FMNL2: variants seen among roughly 807,000 people sequenced by gnomAD.
The protein encoded by FMNL2 is formin like 2.
A neutral mutation model predicts 130.2 loss-of-function variants in FMNL2; 51 were observed. The observed-to-expected ratio is 0.39, with a 90% confidence interval of 0.31 to 0.49. The LOEUF (loss-of-function observed/expected upper bound fraction) is 0.49, where lower values mean the gene tolerates loss of function less well. Ranked by LOEUF, FMNL2 falls within the 20% of genes least tolerant of loss-of-function variation. The pLI is 0.85. For synonymous variants in FMNL2, 465 were observed against 467.1 expected (o/e 1.00, Z 0.06); for missense variants, 977 against 1,316.2 (o/e 0.74, Z 3.99).
At chr2:152,540,080 ACT>A (rs1694222244) in intron 2 of FMNL2, among the ~76,000 whole-genome samples, 3 of 151,846 alleles carry the variant, frequency 2.0e-5, no homozygotes, top group South Asian at 2.1e-4. Flanking sequence ...ACAGAGTGAG[ACT>A]CTCTCAAAAA....
chr2:152,338,238 C>T (rs866908376), intron 1 of FMNL2, among the ~76,000 whole-genome samples: 64 of 152,172 alleles, frequency 4.2e-4, no homozygotes, highest in Non-Finnish European at 7.2e-4. Flanking sequence ...AAAGATCATA[C>T]GGGTGTTTTG....
In FMNL2 at chr2:152,537,993, T is replaced by A. The variant is rs146314484; in HGVS notation, c.202-4746T>A. Among the ~76,000 whole-genome samples, 760 of 152,296 alleles carry A rather than the reference T, an allele frequency of 5.0e-3. 5 individuals are homozygous for A. The highest frequency in any genetic ancestry group is 0.018 in the African/African-American group (735 of 41,574). ...GGAGATAATATCTACTTGCCAGATA[T>A]AGAAGCTTGAGTGAGCTAAGAGGTC... On this transcript the variant is annotated intron_variant, in intron 2 of 25. Transcript: ENST00000288670.
intron 6 of FMNL2, among the ~76,000 whole-genome samples, chr2:152,571,179 T>G (rs556306291): frequency 1.1e-4 from 16 of 146,930 alleles, no homozygotes; most frequent in African/African-American, 2.9e-4. Flanking sequence ...CTCCTTTTCC[T>G]CCTTCTCCTC....
intron 20 of FMNL2, among the ~76,000 whole-genome samples, chr2:152,631,044 T>C (rs144600535): frequency 3.9e-5 from 6 of 152,188 alleles, no homozygotes; most frequent in African/African-American, 1.4e-4. Flanking sequence ...ATATCTGTTA[T>C]AAAGTTGAAT....
At chr2:152,640,168 T>C (rs1682960089) in intron 24 of FMNL2, 112 bp downstream of exon 24, 2 of 807,482 alleles carry the variant, frequency 2.5e-6, no homozygotes, top group African/African-American at 1.8e-5. Flanking sequence ...TCCTGACCAC[T>C]TCCTTCTGGT....
chr2:152,645,639 C>T, intron 25 of FMNL2: 3 of 532,914 alleles, frequency 5.6e-6, no homozygotes, highest in South Asian at 1.9e-5. Context: ...GTTTTTGTAC[C>T]TCACATTCCA....
intron 1 of FMNL2, among the ~76,000 whole-genome samples, chr2:152,451,084 G>C (rs891385019): frequency 6.6e-6 from 1 of 152,180 alleles, no homozygotes; most frequent in Admixed American, 6.5e-5. Flanking sequence ...GGAGATAACT[G>C]CTAAAATGCT....
At chr2:152,486,434 G>C (rs1266378155) in intron 1 of FMNL2, among the ~76,000 whole-genome samples, 6 of 152,166 alleles carry the variant, frequency 3.9e-5, no homozygotes, top group Admixed American at 2.6e-4. Flanking sequence ...TTTCTTTGGG[G>C]TTATGTGAAC....
At chr2:152,489,867 A>T (rs1691043966) in intron 1 of FMNL2, among the ~76,000 whole-genome samples, 1 of 152,148 alleles carries the variant, frequency 6.6e-6, no homozygotes, top group Admixed American at 6.5e-5. Context: ...TAGTTTTAAT[A>T]AAAAAAATTT....
At chr2:152,373,177 TATAAATG>T (rs1378688710) in intron 1 of FMNL2, among the ~76,000 whole-genome samples, 2 of 152,262 alleles carry the variant, frequency 1.3e-5, no homozygotes, top group Non-Finnish European at 2.9e-5. Context: ...TTACTGTTCT[TATAAATG>T]ATATGAAATA....
intron 2 of FMNL2, among the ~76,000 whole-genome samples, chr2:152,528,890 C>G (rs1693542958): frequency 6.6e-6 from 1 of 152,174 alleles, no homozygotes; most frequent in African/African-American, 2.4e-5. Flanking sequence ...TGGGAGTCAT[C>G]TCTTTCCAGT....
chr2:152,569,094 T>TC (rs945578653), intron 6 of FMNL2, among the ~76,000 whole-genome samples: 90 of 128,278 alleles, frequency 7.0e-4, no homozygotes, highest in Admixed American at 2.2e-3. Flanking sequence ...TTTTGTAGCT[T>TC]CCCCCCCCGC....
At chr2:152,454,743 C>T (rs1036812139) in intron 1 of FMNL2, among the ~76,000 whole-genome samples, 10 of 152,180 alleles carry the variant, frequency 6.6e-5, no homozygotes, top group African/African-American at 2.4e-4. Flanking sequence ...AATGATTGGA[C>T]CTTTCATCAG....
rs1444756420 is a variant in FMNL2 at position 152,364,286 on chromosome 2, T to G, written c.117+28566T>G. Among the ~76,000 whole-genome samples, 134 of 147,658 alleles carry G rather than the reference T, an allele frequency of 9.1e-4. 1 individual carries two copies. The highest frequency in any genetic ancestry group is 3.4e-3 in the Middle Eastern group (1 of 292). On this transcript the variant is annotated intron_variant, in intron 1 of 25. Transcript: ENST00000288670. ...GTTTTTTTTTTTTTTTTTTTTTTTT[T>G]TTTTTTACCAGATCCTTAGATATTA...
At chr2:152,405,782 C>G (rs544975484) in intron 1 of FMNL2, among the ~76,000 whole-genome samples, 38 of 152,216 alleles carry the variant, frequency 2.5e-4, no homozygotes, top group African/African-American at 8.9e-4. Flanking sequence ...GGTTCTGGGT[C>G]TTTGATTTTT....
chr2:152,356,176 A>C (rs1184988989), intron 1 of FMNL2, among the ~76,000 whole-genome samples: 2 of 152,160 alleles, frequency 1.3e-5, no homozygotes, highest in African/African-American at 4.8e-5. Context: ...TCGCTCTGTC[A>C]CCCAGGCTGG....
chr2:152,535,879 TC>T (rs1227729529), intron 2 of FMNL2, among the ~76,000 whole-genome samples: 1 of 152,218 alleles, frequency 6.6e-6, no homozygotes, highest in Non-Finnish European at 1.5e-5. Flanking sequence ...TATCTCACCA[TC>T]CCCAACATGC....
chr2:152,542,643 A>G (rs1442784819), intron 2 of FMNL2, 96 bp from the exon 3 acceptor site: 15 of 1,168,616 alleles, frequency 1.3e-5, no homozygotes, highest in Non-Finnish European at 1.9e-5. Context: ...TATACTGTGG[A>G]TGCATTTTGG....
rs538010603 is a variant in FMNL2 at position 152,478,427 on chromosome 2, G to A, written c.118-43516G>A. Among the ~76,000 whole-genome samples, 31 of 151,644 alleles carry A rather than the reference G, an allele frequency of 2.0e-4. No individual in the cohort carries two copies. The South Asian group carries it at 5.8e-3, about 29-fold the overall frequency. ...TAATTTTTGTATTTTTAGTAGAGAC[G>A]GGGTTTTACCATGTTGGTCAGGCTG... On this transcript the variant is annotated intron_variant, in intron 1 of 25. Coordinates refer to ENST00000288670, the MANE Select transcript of FMNL2 (RefSeq NM_052905.4).
Sources: gnomAD v4.1 joint callset for allele counts (sites outside exome capture counted in the v4.1 genomes callset) on GRCh38, gnomAD v4.1.1 for gene constraint, MANE v1.5 for transcripts, NCBI Gene and HGNC (gene_info 2026-07-23, HGNC 2026-07-21) for gene names.